Variants in TTL observed in about 807,000 individuals in gnomAD.
The protein encoded by TTL is tubulin--tyrosine ligase.
A neutral mutation model predicts 41.1 loss-of-function variants in TTL; 10 were observed. The ratio of observed to expected loss-of-function variants is 0.24; its 90% CI spans 0.15 to 0.41. The LOEUF (loss-of-function observed/expected upper bound fraction) is 0.41, where lower values mean the gene tolerates loss of function less well. Among genes scored for constraint, TTL ranks in the 10% least tolerant of loss-of-function variants. The pLI is 1.00. For missense variants in TTL, 367 were observed against 460.4 expected, an observed-to-expected ratio of 0.80 and a Z score of 1.86; for synonymous variants, 175 against 175.5, an observed-to-expected ratio of 1.00 and a Z score of 0.02.
intron 5 of TTL, among the ~76,000 whole-genome samples, chr2:112,509,127 G>A (rs978859835): frequency 4.5e-5 from 6 of 133,428 alleles, no homozygotes; most frequent in African/African-American, 1.5e-4. Context: ...TAGGCTGCTC[G>A]GGGGTCAGGG....
At chr2:112,526,779 C>CT (rs1228889126) in intron 6 of TTL, among the ~76,000 whole-genome samples, 4 of 152,124 alleles carry the variant, frequency 2.6e-5, no homozygotes, top group Non-Finnish European at 5.9e-5. Flanking sequence ...TTTTGTGTCT[C>CT]TATCTCCTTC....
intron 5 of TTL, 85 bp from the exon 6 acceptor site, chr2:112,520,197 A>T (rs1190432867): frequency 2.0e-6 from 3 of 1,464,824 alleles, no homozygotes; most frequent in East Asian, 2.3e-5. Flanking sequence ...TATTCATCTC[A>T]TATAAAATCT....
rs1201590419 is a variant in TTL at position 112,528,742 on chromosome 2, C to A, written c.1081C>A (p.Pro361Thr). ...VDIAISSVFP[P>T]PDVEQPQTQP... ...CATAGCCATTTCCAGTGTCTTCCCACCCCCAGATGTGGAGCAACCTCAGAC... is the reference window on the plus strand; with the variant it reads ...CATAGCCATTTCCAGTGTCTTCCCAACCCCAGATGTGGAGCAACCTCAGAC... Residue 361 changes from proline to threonine, a missense_variant, in exon 7 of 7, where the codon CCC (proline) becomes ACC (threonine). Pro to Thr is a conservative substitution (Grantham distance 38). Coordinates refer to ENST00000233336, the MANE Select transcript of TTL (RefSeq NM_153712.5). 1.9e-6 allele frequency: 3 copies of A among 1,614,176 alleles called. No individual in the cohort carries two copies. Among genetic ancestry groups the A allele is most frequent in the Non-Finnish European group, 2.5e-6 (3 of 1,180,014 alleles).
chr2:112,512,483 C>T (rs1462983811), intron 5 of TTL, among the ~76,000 whole-genome samples: 1 of 152,022 alleles, frequency 6.6e-6, no homozygotes, highest in South Asian at 2.1e-4. Context: ...AGGATGGTCT[C>T]GATCTCCTGA....
chr2:112,483,112 A>G (rs1052034220), intron 1 of TTL: 4 of 152,250 alleles, frequency 2.6e-5, no homozygotes, highest in African/African-American at 9.7e-5. Flanking sequence ...ACCTTTCCTT[A>G]GTTTCACCAA....
intron 6 of TTL, among the ~76,000 whole-genome samples, chr2:112,521,719 AAG>A (rs1682236755): frequency 6.6e-6 from 1 of 152,132 alleles, no homozygotes; most frequent in Non-Finnish European, 1.5e-5. Flanking sequence ...GTGGGGAGCA[AAG>A]AGAGACACAG....
chr2:112,491,010 G>A (rs1681370160), intron 2 of TTL, among the ~76,000 whole-genome samples: 1 of 151,950 alleles, frequency 6.6e-6, no homozygotes, highest in Admixed American at 6.6e-5. Flanking sequence ...GTGTGTGTGT[G>A]TGTTGGAGTC....
intron 5 of TTL, among the ~76,000 whole-genome samples, chr2:112,514,211 A>G (rs1477871006): frequency 6.6e-6 from 1 of 151,968 alleles, no homozygotes; most frequent in Admixed American, 6.6e-5. Flanking sequence ...CTGAAACCCC[A>G]TCTCTACCAA....
At chr2:112,494,902 G>A (rs1479760428) in intron 3 of TTL, among the ~76,000 whole-genome samples, 3 of 151,974 alleles carry the variant, frequency 2.0e-5, no homozygotes, top group African/African-American at 4.8e-5. Flanking sequence ...TGTAACTGCC[G>A]AGCCTGCTCT....
chr2:112,522,859 C>T (rs1682277910), intron 6 of TTL, among the ~76,000 whole-genome samples: 1 of 152,210 alleles, frequency 6.6e-6, no homozygotes, highest in South Asian at 2.1e-4. Flanking sequence ...GTCACCCCTG[C>T]ACAGGGTGTC....
At chr2:112,488,811 G>A (rs570710942) in intron 2 of TTL, among the ~76,000 whole-genome samples, 2 of 151,366 alleles carry the variant, frequency 1.3e-5, no homozygotes, top group South Asian at 2.1e-4. Flanking sequence ...ATTTATTGCC[G>A]GGCGTGGTGG....
At position 112,528,764 on chromosome 2, in the gene TTL, A is replaced by C; in HGVS notation, c.1103A>C (p.Gln368Pro). The C allele has an allele frequency of 6.2e-7, 1 of 1,614,154 alleles. No homozygotes were observed. The highest frequency in any genetic ancestry group is 8.5e-7 in the Non-Finnish European group (1 of 1,180,020). Residue 368 changes from glutamine to proline, a missense_variant, in exon 7 of 7, where the codon CAG (glutamine) becomes CCG (proline). Coordinates refer to ENST00000233336, the MANE Select transcript of TTL (RefSeq NM_153712.5). ...VFPPPDVEQP[Q>P]TQPAAFIKL The stretch of plus-strand genomic sequence containing the variant: ...CCACCCCCAGATGTGGAGCAACCTC[A>C]GACCCAGCCAGCTGCCTTCATCAAG...
rs1682665742 is a variant in TTL at position 112,539,284 on chromosome 2, T to C, written c.*10489T>C. 6.6e-6 allele frequency: 1 copy of C among 152,076 alleles called. No individual in the cohort carries two copies. The highest frequency in any genetic ancestry group is 1.5e-5 in the Non-Finnish European group (1 of 68,020). The allele number at this position is 152,076 out of a possible 1,614,324, so 9.4% of individuals were successfully genotyped here. A position where few individuals can be genotyped will look rare whatever the true frequency, so the allele number is the denominator to read the frequency against. On this transcript the variant is annotated 3_prime_UTR_variant, in exon 7 of 7. Transcript: ENST00000233336. Reference sequence around the variant, plus strand: ...CTCAGCATCACCCAATATACCTTTGTAACAAATTCGCACATGTACCCCCCT... The same window carrying C: ...CTCAGCATCACCCAATATACCTTTGCAACAAATTCGCACATGTACCCCCCT...
At position 112,532,296 on chromosome 2, in the gene TTL, T is replaced by C. The variant is rs1682527252; in HGVS notation, c.*3501T>C. 1 of 228,248 alleles carries C rather than the reference T, an allele frequency of 4.4e-6. No homozygotes were observed. Among genetic ancestry groups the C allele is most frequent in the African/African-American group, 2.2e-5 (1 of 45,014 alleles). 14.1% of individuals were successfully genotyped at this position (228,248 alleles called of 1,614,324 possible). A position where few individuals can be genotyped will look rare whatever the true frequency, so the allele number is the denominator to read the frequency against. ...GAGAAAATTCAGTGACGTACATGGC[T>C]CTGGTTCTGGACACAAAATCTGTAC... is the stretch of plus-strand genomic sequence containing the variant. On this transcript the variant is annotated 3_prime_UTR_variant, in exon 7 of 7. Coordinates refer to ENST00000233336, the MANE Select transcript of TTL (RefSeq NM_153712.5).
Position 112,515,714 on chromosome 2 carries a change from G to A in TTL, c.876-4568G>A, listed in dbSNP as rs1000585796. 4.6e-5 allele frequency among the ~76,000 whole-genome samples: 7 copies of A among 152,064 alleles called. No homozygotes were observed. In the East Asian group the frequency reaches 7.7e-4, roughly 17 times the overall value. On this transcript the variant is annotated intron_variant, in intron 5 of 6. Coordinates refer to ENST00000233336, the MANE Select transcript of TTL (RefSeq NM_153712.5). ...TGTAATCCCAGCACTTTGGGAGGCCGAGGCAGGCAGATCACGAGGTCAGGA... is the reference window on the plus strand; with the variant it reads ...TGTAATCCCAGCACTTTGGGAGGCCAAGGCAGGCAGATCACGAGGTCAGGA...
At chr2:112,526,685 T>C (rs2104478830) in intron 6 of TTL, among the ~76,000 whole-genome samples, 1 of 152,342 alleles carries the variant, frequency 6.6e-6, no homozygotes, top group East Asian at 1.9e-4. Context: ...TCTTTTCTTC[T>C]TTATTAGTCT....
At chr2:112,519,266 G>A (rs531596638) in intron 5 of TTL, among the ~76,000 whole-genome samples, 1 of 152,202 alleles carries the variant, frequency 6.6e-6, no homozygotes, top group East Asian at 1.9e-4. Context: ...TGCTTCCTAG[G>A]TGCCAGGAGT....
Position 112,482,546 on chromosome 2 carries a change from T to G in TTL, c.157+45T>G. ...CCGTCTGCCCTCCTCGGAGCGGCCC[T>G]GCGCGCCTCCCGCGGCCCGTTAGAA... is the stretch of plus-strand genomic sequence containing the variant. On this transcript the variant is annotated intron_variant, in intron 1 of 6. Coordinates refer to ENST00000233336, the MANE Select transcript of TTL (RefSeq NM_153712.5). This position sits in a 1 kb window ranked among gnomAD's most constrained non-coding sequence, Gnocchi z 5.3. The G allele has an allele frequency of 2.6e-6, 4 of 1,535,862 alleles. No homozygotes were observed. The highest frequency in any genetic ancestry group is 3.5e-6 in the Non-Finnish European group (4 of 1,138,416).
chr2:112,498,591 C>T (rs1390221353), intron 3 of TTL, among the ~76,000 whole-genome samples: 1 of 152,084 alleles, frequency 6.6e-6, no homozygotes, highest in Non-Finnish European at 1.5e-5. Flanking sequence ...TTTGTATAGA[C>T]ATGGAGCTTC....
Sources: gnomAD v4.1 joint callset for allele counts (sites outside exome capture counted in the v4.1 genomes callset) on GRCh38, gnomAD v4.1.1 for gene constraint, Gnocchi (gnomAD v3.1) non-coding constraint, MANE v1.5 for transcripts, NCBI Gene and HGNC (gene_info 2026-07-23, HGNC 2026-07-21) for gene names.